The following EPHA6 variants were observed in gnomAD, a reference collection of about 807,000 sequenced individuals.
EPHA6 encodes the protein ephrin type-A receptor 6.
Under a neutral mutation model 112.0 loss-of-function variants are expected in EPHA6, and 50 were observed. The ratio of observed to expected loss-of-function variants is 0.45; its 90% CI spans 0.36 to 0.56. The LOEUF (loss-of-function observed/expected upper bound fraction) is 0.56, where lower values mean the gene tolerates loss of function less well. EPHA6 is among the 20% of genes least tolerant of loss of function. The pLI is 0.00. For synonymous variants in EPHA6, 529 were observed against 490.7 expected (o/e 1.08, Z -1.03); for missense variants, 1,280 against 1,417.4 (o/e 0.90, Z 1.56).
At chr3:97,035,167 T>C (rs1292070840) in intron 3 of EPHA6, among the ~76,000 whole-genome samples, 2 of 151,954 alleles carry the variant, frequency 1.3e-5, no homozygotes, top group Non-Finnish European at 2.9e-5. Context: ...GTCATTATTA[T>C]AGGTCAAAAC....
intron 5 of EPHA6, among the ~76,000 whole-genome samples, chr3:97,305,536 C>T (rs2081280553): frequency 6.6e-6 from 1 of 151,952 alleles, no homozygotes; most frequent in Admixed American, 6.6e-5. Context: ...ACTATGCAGC[C>T]ATAAAAAGGA....
chr3:97,333,919 A>G (rs1332711579), intron 5 of EPHA6, among the ~76,000 whole-genome samples: 1 of 152,082 alleles, frequency 6.6e-6, no homozygotes, highest in Non-Finnish European at 1.5e-5. Context: ...GCACCATCAA[A>G]GTGTGGTGTT....
chr3:97,386,891 C>A (rs946918638), intron 5 of EPHA6, among the ~76,000 whole-genome samples: 1 of 152,202 alleles, frequency 6.6e-6, no homozygotes, highest in African/African-American at 2.4e-5. Flanking sequence ...CAACTCTTGC[C>A]CTCTGTGCAT....
intron 3 of EPHA6, among the ~76,000 whole-genome samples, chr3:97,048,707 G>A (rs1479856696): frequency 6.6e-6 from 1 of 152,130 alleles, no homozygotes; most frequent in African/African-American, 2.4e-5. Context: ...TCCATTGATT[G>A]GCAAGTAATG....
chr3:97,044,047 A>G (rs1335582333), intron 3 of EPHA6, among the ~76,000 whole-genome samples: 3 of 152,218 alleles, frequency 2.0e-5, no homozygotes, highest in Non-Finnish European at 4.4e-5. Flanking sequence ...CAGCCAATGG[A>G]TGATCTCCAT....
intron 4 of EPHA6, among the ~76,000 whole-genome samples, chr3:97,243,448 C>T (rs2078904106): frequency 6.6e-6 from 1 of 151,744 alleles, no homozygotes. Flanking sequence ...TAATCTCAAC[C>T]TTTGGGAAAC....
At chr3:97,745,385 A>C in intron 16 of EPHA6, 1 of 453,956 alleles carries the variant, frequency 2.2e-6, no homozygotes, top group Non-Finnish European at 4.4e-6. Context: ...TTTTGATGTT[A>C]ATTAAAATGA....
At position 97,736,008 on chromosome 3, in the gene EPHA6, C is replaced by A; in HGVS notation, c.3018C>A (p.Cys1006Ter). 6.2e-7 allele frequency: 1 copy of A among 1,612,732 alleles called. No individual in the cohort carries two copies. The highest frequency in any genetic ancestry group is 8.5e-7 in the Non-Finnish European group (1 of 1,179,190). The change falls in exon 16 of 18, where the codon TGC (cysteine) becomes TGA (stop). Residue 1006 changes from cysteine to a stop codon, truncating the protein, a stop_gained. Transcript: ENST00000389672. LOFTEE classifies it high-confidence loss of function. ...CTCTACACCAGCTGATGCTCCACTG[C>A]TGGCAGAAGGAGAGAAATCACAGAC... ...PASLHQLMLH[C>*]WQKERNHRPK... is the part of the protein sequence containing the mutation.
At chr3:96,915,427 C>G (rs1196884015) in intron 2 of EPHA6, among the ~76,000 whole-genome samples, 1 of 152,034 alleles carries the variant, frequency 6.6e-6, no homozygotes, top group Admixed American at 6.6e-5. Context: ...TTACAGACTG[C>G]TATTATTTGG....
chr3:97,423,313 T>C (rs1402986240), intron 6 of EPHA6, among the ~76,000 whole-genome samples: 1 of 152,200 alleles, frequency 6.6e-6, no homozygotes, highest in African/African-American at 2.4e-5. Flanking sequence ...ACTTTCAGTA[T>C]ACAAAATCAA....
At chr3:97,367,082 G>A (rs991537715) in intron 5 of EPHA6, among the ~76,000 whole-genome samples, 1 of 152,140 alleles carries the variant, frequency 6.6e-6, no homozygotes, top group Non-Finnish European at 1.5e-5. Flanking sequence ...GAAGGACTCT[G>A]AGATTTGAAC....
intron 2 of EPHA6, among the ~76,000 whole-genome samples, chr3:96,969,438 A>G (rs1042495876): frequency 1.3e-5 from 2 of 151,924 alleles, no homozygotes; most frequent in Non-Finnish European, 2.9e-5. Context: ...TGACCTTCCA[A>G]GAACCATCCC....
intron 14 of EPHA6, among the ~76,000 whole-genome samples, chr3:97,641,189 TAGAC>T (rs987727099): frequency 2.6e-5 from 4 of 152,160 alleles, no homozygotes; most frequent in Non-Finnish European, 5.9e-5. Flanking sequence ...AAAATTATAA[TAGAC>T]AGATATTCTG....
intron 2 of EPHA6, among the ~76,000 whole-genome samples, chr3:96,951,000 G>A (rs1006292256): frequency 6.6e-6 from 1 of 151,116 alleles, no homozygotes; most frequent in African/African-American, 2.4e-5. Context: ...TGACTTCTTT[G>A]CTTTTTTTTT....
intron 5 of EPHA6, among the ~76,000 whole-genome samples, chr3:97,346,767 C>T (rs140073689): frequency 0.011 from 1,679 of 151,376 alleles, 10 homozygotes; most frequent in Non-Finnish European, 0.016. Flanking sequence ...TGTCTATATT[C>T]TAGGACATAG....
intron 2 of EPHA6, among the ~76,000 whole-genome samples, chr3:96,974,341 C>CT (rs2042436708): frequency 6.7e-6 from 1 of 149,970 alleles, no homozygotes; most frequent in South Asian, 2.1e-4. Context: ...TTAGAGAACT[C>CT]TGATATATAA....
At chr3:97,217,912 G>A (rs1245583128) in intron 3 of EPHA6, among the ~76,000 whole-genome samples, 2 of 152,120 alleles carry the variant, frequency 1.3e-5, no homozygotes, top group Admixed American at 6.5e-5. Context: ...AAGCCATAGA[G>A]TATGTACTTT....
At chr3:96,999,140 G>T (rs1049301914) in intron 3 of EPHA6, among the ~76,000 whole-genome samples, 1 of 151,788 alleles carries the variant, frequency 6.6e-6, no homozygotes, top group Non-Finnish European at 1.5e-5. Flanking sequence ...AAGCATTTGG[G>T]TCTATCATGT....
intron 2 of EPHA6, among the ~76,000 whole-genome samples, chr3:96,965,420 T>C (rs188505145): frequency 4.6e-5 from 7 of 152,286 alleles, no homozygotes; most frequent in Admixed American, 3.9e-4. Context: ...TATCTTTATA[T>C]TTTAATGAGT....
Sources: gnomAD v4.1 joint callset for allele counts (sites outside exome capture counted in the v4.1 genomes callset) on GRCh38, gnomAD v4.1.1 for gene constraint, MANE v1.5 for transcripts, NCBI Gene and HGNC (gene_info 2026-07-23, HGNC 2026-07-21) for gene names.